Variants in IKZF3 observed in about 807,000 individuals in gnomAD.
IKZF3 encodes the protein IKAROS family zinc finger 3, also known as zinc finger protein Aiolos.
Under a neutral mutation model 49.0 loss-of-function variants are expected in IKZF3, and 10 were observed. The observed-to-expected ratio is 0.20, with a 90% confidence interval of 0.13 to 0.35. The LOEUF (loss-of-function observed/expected upper bound fraction) is 0.35, where lower values mean the gene tolerates loss of function less well. Ranked by LOEUF, IKZF3 falls within the 10% of genes least tolerant of loss-of-function variation. The probability of loss-of-function intolerance (pLI) is 1.00; values close to 1 mark genes in which losing one functional copy is unlikely to be tolerated. For missense variants in IKZF3, 498 were observed against 664.8 expected (o/e 0.75, Z 2.76); for synonymous variants, 209 against 228.2 (o/e 0.92, Z 0.76).
intron 3 of IKZF3, among the ~76,000 whole-genome samples, chr17:39,798,738 C>A (rs140520476): frequency 0.02 from 3,031 of 152,198 alleles, 113 homozygotes; most frequent in African/African-American, 0.07. Context: ...ATCTCCTGAC[C>A]TCGTGATCCG....
rs1429293840 is a variant in IKZF3 at position 39,763,249 on chromosome 17, AAAG to A, written c.*2538_*2540del. The A allele has an allele frequency of 6.6e-6, 1 of 152,234 alleles. No homozygotes were observed. Among genetic ancestry groups the A allele is most frequent in the Non-Finnish European group, 1.5e-5 (1 of 68,050 alleles). 9.4% of individuals were successfully genotyped at this position (152,234 alleles called of 1,614,324 possible). On this transcript the variant is annotated 3_prime_UTR_variant, in exon 8 of 8. Coordinates refer to ENST00000346872, the MANE Select transcript of IKZF3 (RefSeq NM_012481.5). ...TTTCCTGAGACAGACGCCATGCCACAAAGAAGGATAAGCCATTTGTGCAGTCTG... is the reference window on the plus strand; with the variant it reads ...TTTCCTGAGACAGACGCCATGCCACAAAGGATAAGCCATTTGTGCAGTCTG...
chr17:39,863,132 A>G (rs910601952), intron 1 of IKZF3, among the ~76,000 whole-genome samples: 6 of 152,196 alleles, frequency 3.9e-5, no homozygotes, highest in African/African-American at 1.4e-4. Flanking sequence ...TTTGTTAAAA[A>G]TTACACTTCA....
intron 1 of IKZF3, among the ~76,000 whole-genome samples, chr17:39,838,413 T>C (rs2062365503): frequency 6.6e-6 from 1 of 152,230 alleles, no homozygotes; most frequent in African/African-American, 2.4e-5. Context: ...GCCTATCTAA[T>C]GAGTTTTCTT....
intron 1 of IKZF3, among the ~76,000 whole-genome samples, chr17:39,839,885 C>T (rs1304992595): frequency 6.6e-6 from 1 of 152,194 alleles, no homozygotes; most frequent in Non-Finnish European, 1.5e-5. Context: ...GTCTCAAACT[C>T]CTGGCCTTAA....
At chr17:39,806,964 T>C (rs2061443565) in intron 3 of IKZF3, among the ~76,000 whole-genome samples, 1 of 152,140 alleles carries the variant, frequency 6.6e-6, no homozygotes, top group African/African-American at 2.4e-5. Context: ...AGGCCTTCAG[T>C]CTAACAGCCT....
intron 3 of IKZF3, among the ~76,000 whole-genome samples, chr17:39,793,218 T>C (rs549288519): frequency 6.6e-6 from 1 of 152,318 alleles, no homozygotes; most frequent in Non-Finnish European, 1.5e-5. Context: ...TTGCTCAAAG[T>C]GGCCATGAAA....
chr17:39,791,606 G>A (rs776519681), intron 4 of IKZF3, 23 bp from the exon 5 acceptor site: 4 of 1,612,844 alleles, frequency 2.5e-6, no homozygotes, highest in Non-Finnish European at 3.4e-6. Flanking sequence ...CAAAAAAGGA[G>A]ATTTCTGGTC....
intron 3 of IKZF3, among the ~76,000 whole-genome samples, chr17:39,816,049 G>A (rs540248218): frequency 4.6e-5 from 7 of 152,232 alleles, no homozygotes; most frequent in Admixed American, 1.3e-4. Context: ...TGTGGAAGGT[G>A]GGATAGTATA....
At chr17:39,817,827 T>C (rs1184021919) in intron 3 of IKZF3, among the ~76,000 whole-genome samples, 1 of 152,216 alleles carries the variant, frequency 6.6e-6, no homozygotes, top group Non-Finnish European at 1.5e-5. Flanking sequence ...CCAGTGTTAA[T>C]AGTACAGTAG....
chr17:39,845,884 AGAGGG>A (rs2062617003), intron 1 of IKZF3, among the ~76,000 whole-genome samples: 1 of 152,228 alleles, frequency 6.6e-6, no homozygotes, highest in African/African-American at 2.4e-5. Flanking sequence ...GCGACTTTTC[AGAGGG>A]TAAAAATATC....
rs143693133 is a variant in IKZF3 at position 39,842,240 on chromosome 17, G to T, written c.8-10089C>A. On this transcript the variant is annotated intron_variant, in intron 1 of 7. Coordinates refer to ENST00000346872, the MANE Select transcript of IKZF3 (RefSeq NM_012481.5). ...TGAAGAAATGGTTTACTCCAAGATGGGCATAGTGGCTCACTCCTATAATCC... is the reference window on the plus strand; with the variant it reads ...TGAAGAAATGGTTTACTCCAAGATGTGCATAGTGGCTCACTCCTATAATCC... 1.4e-3 allele frequency among the ~76,000 whole-genome samples: 209 copies of T among 152,164 alleles called. 1 individual carries two copies. The South Asian group carries it at 0.019, about 14-fold the overall frequency.
chr17:39,828,078 T>C (rs2062005909), intron 3 of IKZF3, among the ~76,000 whole-genome samples: 1 of 152,214 alleles, frequency 6.6e-6, no homozygotes, highest in Non-Finnish European at 1.5e-5. Context: ...AGCTTTCTCT[T>C]TCCTACCAGA....
intron 1 of IKZF3, chr17:39,834,971 G>A: frequency 7.5e-6 from 3 of 401,292 alleles, no homozygotes; most frequent in South Asian, 4.0e-5. Context: ...TTTCACCTGG[G>A]CAGGACATCA....
At position 39,761,559 on chromosome 17, in the gene IKZF3, C is replaced by T. The variant is rs1391182674; in HGVS notation, c.*4231G>A. 7.0e-6 allele frequency: 1 copy of T among 143,864 alleles called. No individual in the cohort carries two copies. Among genetic ancestry groups the T allele is most frequent in the African/African-American group, 2.8e-5 (1 of 35,484 alleles). 8.9% of individuals were successfully genotyped at this position (143,864 alleles called of 1,614,324 possible). A position where few individuals can be genotyped will look rare whatever the true frequency, so the allele number is the denominator to read the frequency against. ...TGAGACCCTGGTCCTCTAAAATATA[C>T]ATACATATATATACATATACAAAAA... On this transcript the variant is annotated 3_prime_UTR_variant, in exon 8 of 8. Transcript: ENST00000346872.
intron 3 of IKZF3, among the ~76,000 whole-genome samples, chr17:39,820,809 G>C (rs1014309600): frequency 6.6e-6 from 1 of 152,132 alleles, no homozygotes; most frequent in South Asian, 2.1e-4. Flanking sequence ...TAATTAGAGC[G>C]TTGGACCTTT....
chr17:39,797,185 T>C (rs1207259360), intron 3 of IKZF3, among the ~76,000 whole-genome samples: 14 of 150,658 alleles, frequency 9.3e-5, no homozygotes, highest in Admixed American at 2.0e-4. Flanking sequence ...AAAAAAGACA[T>C]AGGTAAGCTA....
intron 7 of IKZF3, among the ~76,000 whole-genome samples, chr17:39,774,341 T>C (rs2060522635): frequency 6.7e-6 from 1 of 148,380 alleles, no homozygotes; most frequent in African/African-American, 2.5e-5. Flanking sequence ...GGAGAGGAAA[T>C]ATAGGAGAAA....
chr17:39,810,167 C>T (rs1193180886), intron 3 of IKZF3, among the ~76,000 whole-genome samples: 1 of 152,132 alleles, frequency 6.6e-6, no homozygotes, highest in African/African-American at 2.4e-5. Flanking sequence ...CTTAAAGACA[C>T]CTCTGTGTTA....
intron 3 of IKZF3, among the ~76,000 whole-genome samples, chr17:39,805,120 G>C (rs2061405389): frequency 6.6e-6 from 1 of 152,084 alleles, no homozygotes; most frequent in African/African-American, 2.4e-5. Flanking sequence ...TCTACATAGT[G>C]GCTGTTTGAT....
Sources: gnomAD v4.1 joint callset for allele counts (sites outside exome capture counted in the v4.1 genomes callset) on GRCh38, gnomAD v4.1.1 for gene constraint, MANE v1.5 for transcripts, NCBI Gene and HGNC (gene_info 2026-07-23, HGNC 2026-07-21) for gene names.